MAGI1: variants seen among roughly 807,000 people sequenced by gnomAD.
MAGI1 encodes the protein membrane associated guanylate kinase, WW and PDZ domain containing 1.
A neutral mutation model predicts 139.9 loss-of-function variants in MAGI1; 58 were observed. The ratio of observed to expected loss-of-function variants is 0.41; its 90% CI spans 0.34 to 0.52. The LOEUF (loss-of-function observed/expected upper bound fraction) is 0.52, where lower values mean the gene tolerates loss of function less well. MAGI1 is among the 20% of genes least tolerant of loss of function. The pLI is 0.12. For missense variants in MAGI1, 1,874 were observed against 1,901.6 expected (o/e 0.99, Z 0.27); for synonymous variants, 812 against 737.9 (o/e 1.10, Z -1.63).
intron 12 of MAGI1, among the ~76,000 whole-genome samples, chr3:65,407,313 G>C (rs1336959137): frequency 1.3e-5 from 2 of 151,962 alleles, no homozygotes; most frequent in African/African-American, 4.8e-5. Context: ...TGGGTGTGGT[G>C]GCAGGTACCT....
intron 1 of MAGI1, among the ~76,000 whole-genome samples, chr3:65,846,368 T>C (rs183399139): frequency 6.6e-6 from 1 of 152,188 alleles, no homozygotes; most frequent in African/African-American, 2.4e-5. Flanking sequence ...CTCTGCAAAA[T>C]TGCAAATCAA....
Position 65,940,309 on chromosome 3 carries a change from A to G in MAGI1, c.313+97687T>C, listed in dbSNP as rs376010572. ...AGTCCGTTCATGTTGCTATAACGAA[A>G]TATCATAGACTGAGTCACTTATAAA... On this transcript the variant is annotated intron_variant, in intron 1 of 22. Coordinates refer to ENST00000402939, the MANE Select transcript of MAGI1 (RefSeq NM_001033057.2). Among the ~76,000 whole-genome samples, 33 of 152,348 alleles carry G rather than the reference A, an allele frequency of 2.2e-4. No individual in the cohort carries two copies. The South Asian group carries it at 3.1e-3, about 14-fold the overall frequency.
chr3:65,517,048 G>A (rs1471101002), intron 2 of MAGI1, among the ~76,000 whole-genome samples: 1 of 152,138 alleles, frequency 6.6e-6, no homozygotes, highest in African/African-American at 2.4e-5. Flanking sequence ...TCTTTAAGGG[G>A]GCTGAACTGG....
chr3:65,928,169 A>AT (rs2062616553), intron 1 of MAGI1, among the ~76,000 whole-genome samples: 1 of 152,084 alleles, frequency 6.6e-6, no homozygotes, highest in African/African-American at 2.4e-5. Context: ...GTGTAGAGCA[A>AT]TGACTGATAC....
At chr3:65,981,921 C>A (rs1298365790) in intron 1 of MAGI1, among the ~76,000 whole-genome samples, 3 of 152,102 alleles carry the variant, frequency 2.0e-5, no homozygotes, top group African/African-American at 7.2e-5. Flanking sequence ...AGTGTGAGAA[C>A]AGACTAATAC....
intron 1 of MAGI1, among the ~76,000 whole-genome samples, chr3:65,647,593 G>A (rs1453785234): frequency 6.6e-6 from 1 of 152,132 alleles, no homozygotes; most frequent in Non-Finnish European, 1.5e-5. Context: ...TGCAAGGTTG[G>A]TTCAATACCT....
At chr3:66,015,987 C>A (rs1355577565) in intron 1 of MAGI1, among the ~76,000 whole-genome samples, 1 of 152,128 alleles carries the variant, frequency 6.6e-6, no homozygotes, top group Non-Finnish European at 1.5e-5. Flanking sequence ...GTGTTTCTAT[C>A]AAATATGCTC....
chr3:65,516,444 T>C (rs534002841), intron 2 of MAGI1, among the ~76,000 whole-genome samples: 1 of 152,160 alleles, frequency 6.6e-6, no homozygotes, highest in South Asian at 2.1e-4. Context: ...CCCAACGCAT[T>C]GGAATTACAG....
chr3:66,007,385 G>T (rs369125156), intron 1 of MAGI1, among the ~76,000 whole-genome samples: 1 of 152,220 alleles, frequency 6.6e-6, no homozygotes, highest in Non-Finnish European at 1.5e-5. Context: ...GAATTAGGAA[G>T]CCAAAAAGCA....
At position 65,493,517 on chromosome 3, in the gene MAGI1, T is replaced by A. The variant is rs61742800; in HGVS notation, c.545A>T (p.Tyr182Phe). The change falls in exon 3 of 23, where the codon TAT becomes TTT. Residue 182 changes from tyrosine (Y) to phenylalanine (F), a missense_variant. Physicochemically the swap from Tyr to Phe is conservative, Grantham distance 22 (BLOSUM62 3). Transcript: ENST00000402939. ...CTGTCGTACAAGTAACTCACCTTCATAGGTGCCGACTTCCAGAAGAGTCCC... is the reference window on the plus strand; with the variant it reads ...CTGTCGTACAAGTAACTCACCTTCAAAGGTGCCGACTTCCAGAAGAGTCCC... Reference protein sequence around the residue: ...QSGTLLEVGTYEGNYYGTPKP... With the variant: ...QSGTLLEVGTFEGNYYGTPKP... The A allele has an allele frequency of 2.5e-4, 411 of 1,614,166 alleles. 4 individuals are homozygous for A. The African/African-American group carries it at 4.7e-3, about 18-fold the overall frequency.
At position 65,438,796 on chromosome 3, in the gene MAGI1, T is replaced by C. The variant is rs553157796; in HGVS notation, c.1270+1083A>G. Among the ~76,000 whole-genome samples the C allele has an allele frequency of 8.5e-5, 13 of 152,332 alleles. No individual in the cohort carries two copies. In the South Asian group the frequency reaches 2.3e-3, roughly 27 times the overall value. ...CATGAAGTTGAAATTACAGTGCCCA[T>C]AAAGTTTTATTTGAACACAGCTACA... On this transcript the variant is annotated intron_variant, in intron 9 of 22. Coordinates refer to ENST00000402939, the MANE Select transcript of MAGI1 (RefSeq NM_001033057.2).
chr3:65,833,700 G>C (rs567491753), intron 1 of MAGI1, among the ~76,000 whole-genome samples: 3 of 152,186 alleles, frequency 2.0e-5, no homozygotes, highest in Non-Finnish European at 2.9e-5. Flanking sequence ...CCAACTTGAA[G>C]CAAGTGCCAG....
chr3:65,943,752 T>C (rs1471855332), intron 1 of MAGI1, among the ~76,000 whole-genome samples: 1 of 152,154 alleles, frequency 6.6e-6, no homozygotes, highest in Non-Finnish European at 1.5e-5. Flanking sequence ...AAAACACTGC[T>C]TTAGATGAGT....
At chr3:65,379,617 T>C in intron 16 of MAGI1, 63 bp from the exon 17 acceptor site, 1 of 1,546,344 alleles carries the variant, frequency 6.5e-7, no homozygotes, top group Non-Finnish European at 8.7e-7. Flanking sequence ...CTGCTGCCCC[T>C]CCCTCCTTCC....
chr3:65,399,107 G>GA (rs1944648974), intron 13 of MAGI1, among the ~76,000 whole-genome samples: 1 of 152,086 alleles, frequency 6.6e-6, no homozygotes. Context: ...CAACACAATG[G>GA]TCCTGAGCTA....
At chr3:65,565,383 G>A (rs2080566092) in intron 2 of MAGI1, among the ~76,000 whole-genome samples, 1 of 152,128 alleles carries the variant, frequency 6.6e-6, no homozygotes, top group South Asian at 2.1e-4. Flanking sequence ...TTCATGGCCA[G>A]AAAATATTTC....
At chr3:65,552,259 G>GGGGTGTGT (rs373009364) in intron 2 of MAGI1, among the ~76,000 whole-genome samples, 1 of 147,940 alleles carries the variant, frequency 6.8e-6, no homozygotes, top group African/African-American at 2.5e-5. Flanking sequence ...TGTGTATAGG[G>GGGGTGTGT]GTGTGTGTGT....
At chr3:65,756,096 G>A (rs568057088) in intron 1 of MAGI1, among the ~76,000 whole-genome samples, 1 of 152,222 alleles carries the variant, frequency 6.6e-6, no homozygotes, top group African/African-American at 2.4e-5. Flanking sequence ...AAAAATTATC[G>A]TGTCGGGGCT....
At chr3:65,915,717 C>T (rs1232137060) in intron 1 of MAGI1, among the ~76,000 whole-genome samples, 2 of 152,204 alleles carry the variant, frequency 1.3e-5, no homozygotes, top group East Asian at 3.9e-4. Context: ...ATATGCTTTC[C>T]TGAAAACTGC....
Sources: gnomAD v4.1 joint callset for allele counts (sites outside exome capture counted in the v4.1 genomes callset) on GRCh38, gnomAD v4.1.1 for gene constraint, MANE v1.5 for transcripts, NCBI Gene and HGNC (gene_info 2026-07-23, HGNC 2026-07-21) for gene names.